The following RFX4 variants were observed in gnomAD, a reference collection of about 807,000 sequenced individuals.
RFX4 encodes transcription factor RFX4.
In RFX4, 10 loss-of-function variants were observed where a neutral mutation model predicts 95.0. The ratio of observed to expected loss-of-function variants is 0.11; its 90% CI spans 0.06 to 0.18. The LOEUF is 0.18. RFX4 is among the 10% of genes least tolerant of loss of function. The probability of loss-of-function intolerance (pLI) is 1.00; values close to 1 mark genes in which losing one functional copy is unlikely to be tolerated. For synonymous variants in RFX4, 321 were observed against 340.7 expected, an observed-to-expected ratio of 0.94 and a Z score of 0.64; for missense variants, 640 against 922.0, an observed-to-expected ratio of 0.69 and a Z score of 3.96.
At chr12:106,692,522 T>A (rs2041804542) in intron 7 of RFX4, among the ~76,000 whole-genome samples, 1 of 152,192 alleles carries the variant, frequency 6.6e-6, no homozygotes, top group African/African-American at 2.4e-5. Context: ...AAGGTGCCAA[T>A]GTTCAGAATG....
chr12:106,714,314 T>A (rs1649297136), intron 10 of RFX4, among the ~76,000 whole-genome samples: 1 of 152,170 alleles, frequency 6.6e-6, no homozygotes, highest in South Asian at 2.1e-4. Context: ...TGAACTAGGT[T>A]ATGTTTGAAT....
chr12:106,602,230 C>T (rs925771249), intron 1 of RFX4, among the ~76,000 whole-genome samples: 10 of 152,170 alleles, frequency 6.6e-5, no homozygotes, highest in African/African-American at 1.2e-4. Context: ...GCATGTGGAG[C>T]GGGGCAACCA....
At chr12:106,635,343 G>T (rs2137270058) in intron 2 of RFX4, among the ~76,000 whole-genome samples, 1 of 152,254 alleles carries the variant, frequency 6.6e-6, no homozygotes, top group African/African-American at 2.4e-5. Context: ...TTGAGACAGG[G>T]TTTCACTCCT....
At chr12:106,629,068 C>A (rs964462955) in intron 2 of RFX4, among the ~76,000 whole-genome samples, 1 of 151,950 alleles carries the variant, frequency 6.6e-6, no homozygotes, top group Admixed American at 6.6e-5. Context: ...CATTTGTTAC[C>A]TTTTTAACAC....
intron 8 of RFX4, among the ~76,000 whole-genome samples, chr12:106,704,410 A>C (rs1451929959): frequency 2.6e-5 from 4 of 152,270 alleles, no homozygotes; most frequent in Admixed American, 6.5e-5. Context: ...AAGTTATTCA[A>C]AACATCAGGC....
At chr12:106,599,333 C>G (rs911842855) in intron 1 of RFX4, among the ~76,000 whole-genome samples, 1 of 152,140 alleles carries the variant, frequency 6.6e-6, no homozygotes, top group Non-Finnish European at 1.5e-5. Context: ...ATGTTAGACA[C>G]AGCTTAGAAT....
At chr12:106,747,415 A>G (rs907148944) in intron 15 of RFX4, 22 bp from the exon 16 acceptor site, 1 of 1,609,262 alleles carries the variant, frequency 6.2e-7, no homozygotes, top group Admixed American at 1.7e-5. Flanking sequence ...AATGATCAAG[A>G]CGTCTTAATT....
At chr12:106,760,790 A>T (rs1025939921) in intron 17 of RFX4, among the ~76,000 whole-genome samples, 1 of 151,568 alleles carries the variant, frequency 6.6e-6, no homozygotes, top group Non-Finnish European at 1.5e-5. Flanking sequence ...TCCATAACTA[A>T]TGATAAAACT....
chr12:106,757,298 T>C (rs1159998214), intron 17 of RFX4, among the ~76,000 whole-genome samples: 1 of 152,174 alleles, frequency 6.6e-6, no homozygotes, highest in African/African-American at 2.4e-5. Context: ...TTGGGGAGGC[T>C]GGAAGCCCAG....
chr12:106,689,549 G>A (rs998996033), intron 7 of RFX4, among the ~76,000 whole-genome samples, 185 bp downstream of exon 7: 13 of 152,132 alleles, frequency 8.5e-5, no homozygotes, highest in African/African-American at 3.1e-4. Context: ...CCATTTTATA[G>A]ACCATACATG....
At chr12:106,754,841 C>T (rs1248078254) in intron 17 of RFX4, among the ~76,000 whole-genome samples, 4 of 152,158 alleles carry the variant, frequency 2.6e-5, no homozygotes, top group Admixed American at 6.5e-5. Context: ...CTCTGACACT[C>T]CCCTCAATAT....
At chr12:106,596,866 GTTTA>G (rs972317509) in intron 1 of RFX4, among the ~76,000 whole-genome samples, 7 of 152,198 alleles carry the variant, frequency 4.6e-5, no homozygotes, top group Non-Finnish European at 7.3e-5. Context: ...CTTAATAAAT[GTTTA>G]TTTAATATAT....
chr12:106,704,376 C>T (rs2042045654), intron 8 of RFX4, among the ~76,000 whole-genome samples: 2 of 152,302 alleles, frequency 1.3e-5, no homozygotes, highest in South Asian at 2.1e-4. Flanking sequence ...AATCAAGTGC[C>T]GTTTTCATTA....
intron 7 of RFX4, 119 bp from the exon 8 acceptor site, chr12:106,696,164 C>A: frequency 8.3e-7 from 1 of 1,205,030 alleles, no homozygotes; most frequent in Non-Finnish European, 1.2e-6. Context: ...GTGACTTCTG[C>A]TGCCGCAGGG....
intron 11 of RFX4, among the ~76,000 whole-genome samples, chr12:106,717,030 T>C (rs1383151772): frequency 7.0e-6 from 1 of 143,136 alleles, no homozygotes; most frequent in South Asian, 2.2e-4. Context: ...AAAGGAAATA[T>C]GGGTGAGTTT....
intron 16 of RFX4, among the ~76,000 whole-genome samples, chr12:106,750,018 G>A (rs1199316116): frequency 1.3e-5 from 2 of 152,192 alleles, no homozygotes; most frequent in Non-Finnish European, 2.9e-5. Context: ...CACAGCAGGA[G>A]TAGAGGTTTC....
At chr12:106,594,802 T>TA (rs35505166) in intron 1 of RFX4, among the ~76,000 whole-genome samples, 75,098 of 141,758 alleles carry the variant, frequency 0.53, 19,792 homozygotes, top group East Asian at 0.86. Flanking sequence ...TGAGAGGGAT[T>TA]AAAAAAAAAA....
At chr12:106,685,149 G>A (rs901885523) in intron 5 of RFX4, among the ~76,000 whole-genome samples, 6 of 152,096 alleles carry the variant, frequency 3.9e-5, no homozygotes, top group African/African-American at 7.2e-5. Context: ...GACTCTAGAC[G>A]TACTAAATAG....
At chr12:106,708,384 G>A (rs767579790) in intron 8 of RFX4, among the ~76,000 whole-genome samples, 11 of 151,528 alleles carry the variant, frequency 7.3e-5, no homozygotes, top group African/African-American at 2.2e-4. Flanking sequence ...GATTCCACCC[G>A]CTGGCAGGGA....
Sources: allele counts gnomAD v4.1 joint callset (sites outside exome capture counted in the v4.1 genomes callset), GRCh38; gene constraint gnomAD v4.1.1; transcripts MANE v1.5; gene names NCBI Gene and HGNC (gene_info 2026-07-23, HGNC 2026-07-21).